The following CRPPA variants were observed in gnomAD, a reference collection of about 807,000 sequenced individuals.
CRPPA encodes CDP-L-ribitol pyrophosphorylase A, also known as D-ribitol-5-phosphate cytidylyltransferase.
A neutral mutation model predicts 52.0 loss-of-function variants in CRPPA; 43 were observed. The observed-to-expected ratio is 0.83, with a 90% CI of 0.65 to 1.07. The LOEUF (loss-of-function observed/expected upper bound fraction) is 1.07. Among genes scored for constraint, CRPPA ranks in the 50% least tolerant of loss-of-function variants. The pLI is 0.00. For missense variants in CRPPA, 629 were observed against 551.7 expected (o/e 1.14, Z -1.40); for synonymous variants, 250 against 203.5 (o/e 1.23, Z -1.94).
intron 9 of CRPPA, among the ~76,000 whole-genome samples, chr7:16,204,168 A>G (rs1431421341): frequency 1.3e-5 from 2 of 152,178 alleles, no homozygotes; most frequent in Non-Finnish European, 2.9e-5. Flanking sequence ...TAAATTTTTA[A>G]ATGAATTTGG....
intron 5 of CRPPA, among the ~76,000 whole-genome samples, chr7:16,295,328 G>A (rs1308478385): frequency 6.6e-6 from 1 of 151,734 alleles, no homozygotes; most frequent in East Asian, 1.9e-4. Flanking sequence ...CCTAACAAAT[G>A]GAAAATATTA....
chr7:16,383,323 G>T (rs972154799), intron 2 of CRPPA, among the ~76,000 whole-genome samples: 1 of 152,180 alleles, frequency 6.6e-6, no homozygotes, highest in African/African-American at 2.4e-5. Flanking sequence ...CATGAACCGC[G>T]AATGCTGCTG....
At chr7:16,398,169 A>G (rs531114284) in intron 2 of CRPPA, among the ~76,000 whole-genome samples, 1 of 152,262 alleles carries the variant, frequency 6.6e-6, no homozygotes, top group Admixed American at 6.5e-5. Context: ...CACAATTGAC[A>G]CATGATCGGC....
rs1362982170 is a variant in CRPPA at position 16,258,996 on chromosome 7, G to T, written c.950C>A (p.Ser317Tyr). The change falls in exon 7 of 10, where the codon TCT becomes TAT. Residue 317 changes from serine to tyrosine, a missense_variant. Ser to Tyr is a moderately radical substitution (Grantham distance 144, BLOSUM62 -2). Transcript: ENST00000407010. ...KSELNHVKVTSEALGHAGRHL... is the reference protein window; with the variant it reads ...KSELNHVKVTYEALGHAGRHL... The stretch of plus-strand genomic sequence containing the variant: ...TCTGCCAGCATGACCCAGAGCCTCA[G>T]ATGTGACTTTTACATGCTAGTAGGA... 6.2e-7 allele frequency: 1 copy of T among 1,609,692 alleles called. No individual in the cohort carries two copies.
chr7:16,303,477 T>TAAAAAAAAAAAAAAAAA lies in CRPPA; in HGVS notation c.790-2028_790-2012dup, dbSNP rs545663821. On this transcript the variant is annotated intron_variant, in intron 4 of 9. Transcript: ENST00000407010. ...GTTTCTGTGTTGAGACATAAAATAG[T>TAAAAAAAAAAAAAAAAA]AAAAAAAAAAAAAAAAAAAAAAAAA... is the stretch of plus-strand genomic sequence containing the variant. Among the ~76,000 whole-genome samples the TAAAAAAAAAAAAAAAAA allele has an allele frequency of 1.1e-3, 51 of 44,970 alleles. 5 individuals are homozygous for TAAAAAAAAAAAAAAAAA. Among genetic ancestry groups the TAAAAAAAAAAAAAAAAA allele is most frequent in the African/African-American group, 3.3e-3 (40 of 12,078 alleles). 29.5% of individuals were successfully genotyped at this position (44,970 alleles called of 152,430 possible). A position where few individuals can be genotyped will look rare whatever the true frequency, so the allele number is the denominator to read the frequency against.
chr7:16,128,702 G>C (rs1447303695), intron 9 of CRPPA, among the ~76,000 whole-genome samples: 2 of 152,114 alleles, frequency 1.3e-5, no homozygotes, highest in Non-Finnish European at 2.9e-5. Context: ...TGGCCAGATG[G>C]AAAAATTTGT....
intron 3 of CRPPA, among the ~76,000 whole-genome samples, chr7:16,335,156 A>C (rs1405704544): frequency 2.7e-4 from 2 of 7,308 alleles, no homozygotes; most frequent in Admixed American, 1.4e-3. Flanking sequence ...CATCTCTACA[A>C]AAAAAAAAAA....
chr7:16,361,877 CAG>C (rs1786455763), intron 3 of CRPPA, among the ~76,000 whole-genome samples: 1 of 151,900 alleles, frequency 6.6e-6, no homozygotes, highest in Non-Finnish European at 1.5e-5. Context: ...TTTCTTTAGA[CAG>C]AGTCTCGCTC....
intron 1 of CRPPA, among the ~76,000 whole-genome samples, chr7:16,407,014 G>A (rs1787969934): frequency 6.6e-6 from 1 of 152,082 alleles, no homozygotes; most frequent in African/African-American, 2.4e-5. Flanking sequence ...CTCACTCTGT[G>A]CCCCATGCTG....
At chr7:16,399,968 T>G (rs1007153327) in intron 2 of CRPPA, among the ~76,000 whole-genome samples, 1 of 152,004 alleles carries the variant, frequency 6.6e-6, no homozygotes, top group Non-Finnish European at 1.5e-5. Flanking sequence ...GGCTTACATG[T>G]GACACGATTG....
intron 8 of CRPPA, among the ~76,000 whole-genome samples, chr7:16,247,396 G>C (rs1428857608): frequency 6.6e-6 from 1 of 152,100 alleles, no homozygotes; most frequent in Non-Finnish European, 1.5e-5. Flanking sequence ...TCAGGGAATA[G>C]GGAATCTCAA....
At chr7:16,331,122 C>T (rs28806869) in intron 3 of CRPPA, among the ~76,000 whole-genome samples, 225 of 152,262 alleles carry the variant, frequency 1.5e-3, no homozygotes, top group African/African-American at 5.0e-3. Flanking sequence ...GCCTCAGCCT[C>T]CCGAGTAGGT....
At chr7:16,323,082 T>C (rs1473826592) in intron 3 of CRPPA, among the ~76,000 whole-genome samples, 1 of 152,048 alleles carries the variant, frequency 6.6e-6, no homozygotes, top group Non-Finnish European at 1.5e-5. Flanking sequence ...TACATGGAGA[T>C]TATGGAGATT....
intron 9 of CRPPA, among the ~76,000 whole-genome samples, chr7:16,154,839 A>G (rs911770138): frequency 3.4e-5 from 5 of 147,096 alleles, no homozygotes; most frequent in Non-Finnish European, 6.0e-5. Context: ...ACAGAATCTC[A>G]CTCTGCTGCC....
chr7:16,122,610 T>C (rs1204823831), intron 9 of CRPPA, among the ~76,000 whole-genome samples: 3 of 152,058 alleles, frequency 2.0e-5, no homozygotes, highest in Non-Finnish European at 4.4e-5. Flanking sequence ...CTCAGATTTG[T>C]TTTGTTTTAA....
intron 9 of CRPPA, among the ~76,000 whole-genome samples, chr7:16,213,726 GCAA>G (rs979167071): frequency 1.2e-4 from 18 of 148,576 alleles, no homozygotes; most frequent in African/African-American, 4.5e-4. Context: ...TCCAGCCTGG[GCAA>G]CAAGAGAAAA....
chr7:16,104,132 A>C (rs1459284081), intron 9 of CRPPA, among the ~76,000 whole-genome samples: 2 of 152,230 alleles, frequency 1.3e-5, no homozygotes, highest in African/African-American at 4.8e-5. Flanking sequence ...AAAGTTTCAC[A>C]GTTGTTTACC....
intron 2 of CRPPA, among the ~76,000 whole-genome samples, chr7:16,389,926 A>ATATAT (rs1430354909): frequency 0.036 from 1,945 of 54,386 alleles, 9 homozygotes; most frequent in Non-Finnish European, 0.051. Context: ...AAAAAAAAAA[A>ATATAT]AAATATATAT....
At chr7:16,168,027 T>C (rs1781103070) in intron 9 of CRPPA, among the ~76,000 whole-genome samples, 1 of 152,244 alleles carries the variant, frequency 6.6e-6, no homozygotes, top group Non-Finnish European at 1.5e-5. Context: ...ATGATTTACT[T>C]TTAGCCTAAA....
Sources: allele counts gnomAD v4.1 joint callset (sites outside exome capture counted in the v4.1 genomes callset), GRCh38; gene constraint gnomAD v4.1.1; transcripts MANE v1.5; gene names NCBI Gene and HGNC (gene_info 2026-07-23, HGNC 2026-07-21).